The following LRP1B variants were observed in gnomAD, a reference collection of about 807,000 sequenced individuals.
LRP1B encodes the protein low-density lipoprotein receptor-related protein 1B.
Under a neutral mutation model 556.6 loss-of-function variants are expected in LRP1B, and 217 were observed. The ratio of observed to expected loss-of-function variants is 0.39; its 90% CI spans 0.35 to 0.44. The LOEUF is 0.44. Among genes scored for constraint, LRP1B ranks in the 20% least tolerant of loss-of-function variants. The probability of loss-of-function intolerance (pLI) is 1.00; values close to 1 mark genes in which losing one functional copy is unlikely to be tolerated. For missense variants in LRP1B, 5,053 were observed against 5,620.8 expected, an observed-to-expected ratio of 0.90 and a Z score of 3.23; for synonymous variants, 2,047 against 1,865.8, an observed-to-expected ratio of 1.10 and a Z score of -2.50.
At chr2:140,616,081 G>A (rs13011913) in intron 41 of LRP1B, among the ~76,000 whole-genome samples, 38,493 of 150,574 alleles carry the variant, frequency 0.26, 5,073 homozygotes, top group East Asian at 0.3. Flanking sequence ...TGAACTTTAA[G>A]CTTAATTTTT....
chr2:141,484,275 A>T (rs1374249284), intron 2 of LRP1B, among the ~76,000 whole-genome samples: 1 of 148,072 alleles, frequency 6.8e-6, no homozygotes, highest in African/African-American at 2.5e-5. Flanking sequence ...ATAGTTGTAG[A>T]TATGTGGCAT....
chr2:141,587,338 G>T (rs1354382994), intron 2 of LRP1B, among the ~76,000 whole-genome samples: 2 of 152,160 alleles, frequency 1.3e-5, no homozygotes, highest in Admixed American at 6.5e-5. Context: ...AGTTGAAAAA[G>T]CACTTGCTTT....
At chr2:141,694,026 A>C (rs918617633) in intron 2 of LRP1B, among the ~76,000 whole-genome samples, 2 of 152,092 alleles carry the variant, frequency 1.3e-5, no homozygotes, top group African/African-American at 4.8e-5. Flanking sequence ...TTTGACAAAA[A>C]GAGGGGAACT....
chr2:142,074,135 A>G (rs898216088), intron 1 of LRP1B, among the ~76,000 whole-genome samples: 2 of 151,952 alleles, frequency 1.3e-5, no homozygotes, highest in African/African-American at 4.8e-5. Flanking sequence ...CACTGCTTGT[A>G]ATTTATCACC....
chr2:140,311,765 G>A (rs573911554), intron 83 of LRP1B, among the ~76,000 whole-genome samples: 94 of 151,974 alleles, frequency 6.2e-4, no homozygotes, highest in African/African-American at 2.2e-3. Flanking sequence ...GAGCTAGGAT[G>A]CAAAGATTGA....
At chr2:140,634,756 A>G (rs1684012904) in intron 41 of LRP1B, among the ~76,000 whole-genome samples, 2 of 151,982 alleles carry the variant, frequency 1.3e-5, no homozygotes, top group African/African-American at 4.8e-5. Context: ...ATTATATAAT[A>G]CCCCTGAGTA....
At chr2:141,585,431 G>T (rs895426585) in intron 2 of LRP1B, among the ~76,000 whole-genome samples, 3 of 145,820 alleles carry the variant, frequency 2.1e-5, no homozygotes, top group African/African-American at 7.7e-5. Context: ...TCGTGTGTGT[G>T]TGTGTGTGTG....
At chr2:142,119,399 AT>A (rs140409975) in intron 1 of LRP1B, among the ~76,000 whole-genome samples, 1,535 of 152,284 alleles carry the variant, frequency 0.01, 25 homozygotes, top group African/African-American at 0.035. Flanking sequence ...CTCTGTTTAG[AT>A]GCTCTTCATA....
intron 7 of LRP1B, among the ~76,000 whole-genome samples, chr2:141,176,908 T>C (rs1039622490): frequency 2.0e-5 from 3 of 152,114 alleles, no homozygotes; most frequent in Non-Finnish European, 4.4e-5. Context: ...TAAAATTACA[T>C]AGTGGTTTCA....
At chr2:141,015,628 C>T in intron 13 of LRP1B, 68 bp downstream of exon 13, 1 of 1,242,844 alleles carries the variant, frequency 8.0e-7, no homozygotes. Flanking sequence ...GTATTTTTAA[C>T]ACAACACAAC....
At chr2:140,780,642 G>A (rs1016130321) in intron 32 of LRP1B, among the ~76,000 whole-genome samples, 1 of 152,130 alleles carries the variant, frequency 6.6e-6, no homozygotes, top group African/African-American at 2.4e-5. Flanking sequence ...AGCCGTGGGG[G>A]TAGATGATTC....
intron 7 of LRP1B, among the ~76,000 whole-genome samples, chr2:141,149,126 G>A (rs1468633165): frequency 6.6e-6 from 1 of 152,024 alleles, no homozygotes; most frequent in African/African-American, 2.4e-5. Flanking sequence ...GAATGTTCAA[G>A]AGAAATGTAA....
At chr2:140,779,554 G>T (rs777155751) in intron 32 of LRP1B, among the ~76,000 whole-genome samples, 1 of 152,012 alleles carries the variant, frequency 6.6e-6, no homozygotes, top group Non-Finnish European at 1.5e-5. Context: ...AATTAGCCAG[G>T]CATGGTGATG....
At chr2:140,715,622 A>G (rs1381866475) in intron 37 of LRP1B, among the ~76,000 whole-genome samples, 1 of 152,118 alleles carries the variant, frequency 6.6e-6, no homozygotes, top group Non-Finnish European at 1.5e-5. Context: ...AATTTTAGAA[A>G]TATTGGAGAG....
At chr2:141,990,056 T>A (rs1266583912) in intron 1 of LRP1B, among the ~76,000 whole-genome samples, 1 of 152,128 alleles carries the variant, frequency 6.6e-6, no homozygotes, top group African/African-American at 2.4e-5. Flanking sequence ...TGAAATTCTA[T>A]GATTCTTTAA....
chr2:140,823,361 C>T (rs1251574400), intron 31 of LRP1B, among the ~76,000 whole-genome samples: 1 of 152,132 alleles, frequency 6.6e-6, no homozygotes, highest in Admixed American at 6.5e-5. Context: ...AGAGCTCACA[C>T]AGACTCATCA....
At chr2:140,309,237 AAAG>A (rs140359963) in intron 83 of LRP1B, among the ~76,000 whole-genome samples, 2,602 of 151,964 alleles carry the variant, frequency 0.017, 78 homozygotes, top group African/African-American at 0.06. Flanking sequence ...TGACAAAGAA[AAAG>A]AAGAATTGTG....
intron 43 of LRP1B, among the ~76,000 whole-genome samples, chr2:140,568,802 A>T (rs1188463690): frequency 1.3e-5 from 2 of 152,116 alleles, no homozygotes; most frequent in Admixed American, 1.3e-4. Context: ...AAAACCTTAC[A>T]GACCAGGAAA....
intron 7 of LRP1B, among the ~76,000 whole-genome samples, chr2:141,150,465 T>G (rs892317492): frequency 6.6e-6 from 1 of 152,190 alleles, no homozygotes; most frequent in Non-Finnish European, 1.5e-5. Flanking sequence ...TTCACTCTAT[T>G]TGGTCATTAA....
Sources: gnomAD v4.1 joint callset for allele counts (sites outside exome capture counted in the v4.1 genomes callset) on GRCh38, gnomAD v4.1.1 for gene constraint, MANE v1.5 for transcripts, NCBI Gene and HGNC (gene_info 2026-07-23, HGNC 2026-07-21) for gene names.